The following STPG2 variants were observed in gnomAD, a reference collection of about 807,000 sequenced individuals.
STPG2 encodes sperm tail PG-rich repeat containing 2.
A neutral mutation model predicts 54.2 loss-of-function variants in STPG2; 56 were observed. The ratio of observed to expected loss-of-function variants is 1.03; its 90% CI spans 0.83 to 1.29. The LOEUF (loss-of-function observed/expected upper bound fraction) is 1.29, where lower values mean the gene tolerates loss of function less well. Among genes scored for constraint, STPG2 ranks in the 50% most tolerant of loss-of-function variants. STPG2 has a pLI of 0.00. For synonymous variants in STPG2, 200 were observed against 181.8 expected, an observed-to-expected ratio of 1.10 and a Z score of -0.81; for missense variants, 596 against 544.9, an observed-to-expected ratio of 1.09 and a Z score of -0.93.
intron 8 of STPG2, among the ~76,000 whole-genome samples, chr4:97,939,910 G>A (rs1368292952): frequency 6.6e-6 from 1 of 152,124 alleles, no homozygotes; most frequent in Non-Finnish European, 1.5e-5. Context: ...GGTCCTGTGT[G>A]TTTAAATGTG....
chr4:97,984,382 T>G (rs900842422), intron 5 of STPG2, among the ~76,000 whole-genome samples: 1 of 152,066 alleles, frequency 6.6e-6, no homozygotes, highest in Non-Finnish European at 1.5e-5. Flanking sequence ...TGACCTCAAG[T>G]AACCCACCCG....
intron 10 of STPG2, among the ~76,000 whole-genome samples, chr4:97,704,232 A>G (rs1027115348): frequency 4.6e-5 from 7 of 152,176 alleles, no homozygotes; most frequent in African/African-American, 1.7e-4. Context: ...CCATCACACC[A>G]TGAAAGAGTT....
chr4:98,036,416 T>C (rs1560648706), intron 5 of STPG2, among the ~76,000 whole-genome samples: 1 of 151,810 alleles, frequency 6.6e-6, no homozygotes, highest in South Asian at 2.1e-4. Flanking sequence ...TAAATGACCA[T>C]CAAAGATAGA....
At position 97,596,146 on chromosome 4, in the gene STPG2, A is replaced by T. The variant is rs192915232; in HGVS notation, c.1321-37029T>A. On this transcript the variant is annotated intron_variant, in intron 10 of 10. Coordinates refer to ENST00000295268, the MANE Select transcript of STPG2 (RefSeq NM_174952.3). Reference sequence around the variant, plus strand: ...TAATTTCAGATGAAACAGACTTCAAACTAACAAAGATAAAAAAAGAAGGGC... The same window carrying T: ...TAATTTCAGATGAAACAGACTTCAATCTAACAAAGATAAAAAAAGAAGGGC... Among the ~76,000 whole-genome samples, 260 of 152,290 alleles carry T rather than the reference A, an allele frequency of 1.7e-3. 1 individual carries two copies. The highest frequency in any genetic ancestry group is 9.1e-3 in the South Asian group (44 of 4,828).
intron 4 of STPG2, among the ~76,000 whole-genome samples, chr4:97,550,918 T>C (rs1437177188): frequency 6.6e-6 from 1 of 151,846 alleles, no homozygotes; most frequent in African/African-American, 2.4e-5. Context: ...TCACAGTTAG[T>C]GTTACAGCTC....
chr4:98,034,684 C>T (rs1421052111), intron 5 of STPG2, among the ~76,000 whole-genome samples: 1 of 152,186 alleles, frequency 6.6e-6, no homozygotes, highest in Non-Finnish European at 1.5e-5. Flanking sequence ...CATCACGCTA[C>T]CTGACTTTAA....
chr4:97,455,214 T>C (rs766704545), intron 4 of STPG2, among the ~76,000 whole-genome samples: 77 of 150,630 alleles, frequency 5.1e-4, no homozygotes, highest in Non-Finnish European at 2.2e-4. Context: ...GATACAGGAG[T>C]GGGGCAGGGA....
chr4:97,958,257 C>T (rs770625943), intron 7 of STPG2, among the ~76,000 whole-genome samples: 1 of 151,804 alleles, frequency 6.6e-6, no homozygotes, highest in East Asian at 1.9e-4. Context: ...TTGCAGTGAG[C>T]CAAGATTGAG....
intron 9 of STPG2, among the ~76,000 whole-genome samples, chr4:97,796,875 C>A (rs1727202336): frequency 6.6e-6 from 1 of 152,134 alleles, no homozygotes; most frequent in South Asian, 2.1e-4. Flanking sequence ...TTTCGTTGAG[C>A]ACTGGTTTGT....
intron 10 of STPG2, among the ~76,000 whole-genome samples, chr4:97,644,995 A>C (rs1156694199): frequency 6.6e-6 from 1 of 152,104 alleles, no homozygotes; most frequent in Non-Finnish European, 1.5e-5. Context: ...TGCATGGCTC[A>C]GCAGTACTGG....
chr4:97,726,124 G>A lies in STPG2; in HGVS notation c.1205-13310C>T, dbSNP rs79611167. On this transcript the variant is annotated intron_variant, in intron 9 of 10. Transcript: ENST00000295268. ...AGAAAAATCAATCCAAACAAAAACA[G>A]ATCAATGGGCTCCAGAAAAGAGGTC... Among the ~76,000 whole-genome samples, 147 of 151,966 alleles carry A rather than the reference G, an allele frequency of 9.7e-4. 3 individuals are homozygous for A. In the East Asian group the frequency reaches 0.026, roughly 27 times the overall value.
intron 5 of STPG2, among the ~76,000 whole-genome samples, chr4:98,043,064 C>G (rs1482352776): frequency 7.9e-5 from 12 of 151,982 alleles, no homozygotes; most frequent in Non-Finnish European, 8.8e-5. Flanking sequence ...ACTGAATTGA[C>G]CCTTTCATCA....
intron 7 of STPG2, among the ~76,000 whole-genome samples, chr4:97,949,495 T>C (rs982099242): frequency 6.6e-6 from 1 of 152,208 alleles, no homozygotes; most frequent in Non-Finnish European, 1.5e-5. Context: ...ATTATTGTTT[T>C]ATAGGCCGTG....
chr4:97,943,906 T>G lies in STPG2; in HGVS notation c.1035A>C (p.Val345=), dbSNP rs199699367. The change falls in exon 8 of 11, where the codon GTA becomes GTC. Residue 345 remains valine (V), a synonymous_variant. Coordinates refer to ENST00000295268, the MANE Select transcript of STPG2 (RefSeq NM_174952.3). ...FLSRAKRTMK[V]PDMVIPAPGS... ...GTAGGAGTATTCTTACCATATCTGG[T>G]ACTTTCATAGTTCTTTTGGCTCTTG... 3 of 1,571,750 alleles carry G rather than the reference T, an allele frequency of 1.9e-6. No homozygotes were observed. The highest frequency in any genetic ancestry group is 2.6e-6 in the Non-Finnish European group (3 of 1,164,490).
intron 9 of STPG2, among the ~76,000 whole-genome samples, chr4:97,736,053 G>A (rs28880912): frequency 0.016 from 2,401 of 152,282 alleles, 25 homozygotes; most frequent in Non-Finnish European, 0.026. Context: ...GTGTTAGTGA[G>A]GGTGTGCAGA....
intron 4 of STPG2, among the ~76,000 whole-genome samples, chr4:97,549,614 T>C (rs1731920710): frequency 6.6e-6 from 1 of 152,164 alleles, no homozygotes; most frequent in African/African-American, 2.4e-5. Flanking sequence ...AGGTGAGCAT[T>C]TCAAGAAGAA....
intron 2 of STPG2, among the ~76,000 whole-genome samples, chr4:98,132,788 C>T (rs941548375): frequency 2.6e-5 from 4 of 151,786 alleles, no homozygotes; most frequent in African/African-American, 9.7e-5. Flanking sequence ...TTATAGTTGT[C>T]AGTTTTAACT....
chr4:97,710,008 C>A (rs954223918), intron 10 of STPG2, among the ~76,000 whole-genome samples: 2 of 151,826 alleles, frequency 1.3e-5, no homozygotes, highest in Admixed American at 6.6e-5. Context: ...GAATCATATA[C>A]AATTAAATAA....
chr4:98,076,117 G>A (rs928028407), intron 5 of STPG2, among the ~76,000 whole-genome samples: 4 of 151,924 alleles, frequency 2.6e-5, no homozygotes, highest in African/African-American at 4.8e-5. Flanking sequence ...GGTGGCGGGC[G>A]CCTGTAGTCC....
Sources: allele counts gnomAD v4.1 joint callset (sites outside exome capture counted in the v4.1 genomes callset), GRCh38; gene constraint gnomAD v4.1.1; transcripts MANE v1.5; gene names NCBI Gene and HGNC (gene_info 2026-07-23, HGNC 2026-07-21).